The following NUP210L variants were observed in gnomAD, a reference collection of about 807,000 sequenced individuals.
NUP210L encodes nucleoporin 210 like, also known as nuclear pore membrane glycoprotein 210-like.
Under a neutral mutation model 208.5 loss-of-function variants are expected in NUP210L, and 74 were observed. The ratio of observed to expected loss-of-function variants is 0.35; its 90% confidence interval spans 0.29 to 0.43. The LOEUF is 0.43. Among genes scored for constraint, NUP210L ranks in the 20% least tolerant of loss-of-function variants. The probability of loss-of-function intolerance (pLI) is 1.00; values close to 1 mark genes in which losing one functional copy is unlikely to be tolerated. For synonymous variants in NUP210L, 780 were observed against 816.9 expected, an observed-to-expected ratio of 0.95 and a Z score of 0.77; for missense variants, 1,843 against 2,289.4, an observed-to-expected ratio of 0.81 and a Z score of 3.98.
chr1:154,112,366 A>G (rs1474093517), intron 12 of NUP210L, among the ~76,000 whole-genome samples: 2 of 152,066 alleles, frequency 1.3e-5, no homozygotes, highest in Non-Finnish European at 2.9e-5. Flanking sequence ...TGTTCCTGCC[A>G]CTGCATTCAA....
intron 34 of NUP210L, among the ~76,000 whole-genome samples, chr1:154,010,556 G>C (rs1323126186): frequency 1.3e-5 from 2 of 151,756 alleles, no homozygotes; most frequent in African/African-American, 4.8e-5. Flanking sequence ...GAGTAAGATA[G>C]ATTACAGGGA....
chr1:154,005,148 G>A (rs1650444901), intron 35 of NUP210L, among the ~76,000 whole-genome samples: 1 of 151,820 alleles, frequency 6.6e-6, no homozygotes, highest in Non-Finnish European at 1.5e-5. Flanking sequence ...ACCGTGCCCG[G>A]CCTCCTCTTT....
chr1:154,116,752 A>T (rs1430073788), intron 12 of NUP210L, among the ~76,000 whole-genome samples: 1 of 152,122 alleles, frequency 6.6e-6, no homozygotes, highest in Non-Finnish European at 1.5e-5. Flanking sequence ...TAAAGGAGAA[A>T]AATAGGAAAA....
intron 27 of NUP210L, among the ~76,000 whole-genome samples, chr1:154,033,025 A>AGGAAGGAAGGAAGGGAAG (rs1652347452): frequency 6.6e-6 from 1 of 151,462 alleles, no homozygotes; most frequent in Non-Finnish European, 1.5e-5. Context: ...AAGAAAAAGA[A>AGGAAGGAAGGAAGGGAAG]GGAAGGAAGG....
intron 2 of NUP210L, among the ~76,000 whole-genome samples, chr1:154,147,504 A>T (rs1220799054): frequency 6.6e-6 from 1 of 150,510 alleles, no homozygotes; most frequent in Non-Finnish European, 1.5e-5. Flanking sequence ...TGCCTGGCTA[A>T]TTTTTTCTTT....
chr1:154,118,915 C>A, intron 10 of NUP210L, 107 bp from the exon 11 acceptor site: 1 of 546,364 alleles, frequency 1.8e-6, no homozygotes. Flanking sequence ...ATAAATTACT[C>A]AACCAGTTTC....
chr1:154,146,766 C>A (rs1047569976), intron 2 of NUP210L, among the ~76,000 whole-genome samples: 6 of 152,138 alleles, frequency 3.9e-5, no homozygotes, highest in Non-Finnish European at 7.3e-5. Flanking sequence ...AATACATGTG[C>A]ACAAATCCTT....
chr1:154,114,074 C>T (rs1042300516), intron 12 of NUP210L, among the ~76,000 whole-genome samples: 64 of 148,614 alleles, frequency 4.3e-4, no homozygotes, highest in Admixed American at 9.6e-4. Flanking sequence ...ACTCGAGAGG[C>T]GGAGGTTGCA....
At chr1:154,103,528 C>T (rs1433280855) in intron 13 of NUP210L, among the ~76,000 whole-genome samples, 2 of 149,712 alleles carry the variant, frequency 1.3e-5, no homozygotes, top group African/African-American at 2.5e-5. Context: ...AAAAATTAGC[C>T]GGGCGTGGTA....
At position 154,104,048 on chromosome 1, in the gene NUP210L, T is replaced by C. The variant is rs768660641; in HGVS notation, c.1783A>G (p.Met595Val). Residue 595 changes from methionine to valine, a missense_variant, in exon 13 of 40, where the codon ATG becomes GTG. By Grantham distance (21) the Met-to-Val change is conservative. This residue lies in a region of NUP210L where 408 missense variants were observed against 600.8 expected (regional missense o/e 0.68). Transcript: ENST00000368559. Reference sequence around the variant, plus strand: ...AGAGTAAAGACTCCTTGTTTATCCATGTTCAGATCCAAGGATAAATGAGAG... The same window carrying C: ...AGAGTAAAGACTCCTTGTTTATCCACGTTCAGATCCAAGGATAAATGAGAG... 6.2e-6 allele frequency: 10 copies of C among 1,613,920 alleles called. No individual in the cohort carries two copies. The highest frequency in any genetic ancestry group is 2.2e-5 in the South Asian group (2 of 91,082).
chr1:154,000,209 G>C (rs975806963), intron 37 of NUP210L, among the ~76,000 whole-genome samples: 1 of 152,050 alleles, frequency 6.6e-6, no homozygotes, highest in East Asian at 1.9e-4. Flanking sequence ...TTGTATTTTG[G>C]GTAGGTTTGG....
rs1328920900 is a variant in NUP210L, at chr1:153,993,108, A to G, written c.5492-19T>C. The G allele has an allele frequency of 2.5e-6, 4 of 1,598,036 alleles. No individual in the cohort carries two copies. Among genetic ancestry groups the G allele is most frequent in the Non-Finnish European group, 1.7e-6 (2 of 1,168,748 alleles). ...TTGTATGCTGGAAAAAGGACAGGAA[A>G]TGTCACAAGGCATATCTGAGGAAGG... On this transcript the variant is annotated intron_variant, in intron 38 of 39. Coordinates refer to ENST00000368559, the Ensembl canonical transcript of NUP210L.
intron 28 of NUP210L, among the ~76,000 whole-genome samples, chr1:154,029,076 C>CT (rs1652069206): frequency 6.8e-6 from 1 of 146,212 alleles, no homozygotes; most frequent in African/African-American, 2.5e-5. Flanking sequence ...GAGTGAGACT[C>CT]TGTCTCAAAA....
chr1:154,031,778 G>A (rs997955470), intron 27 of NUP210L, among the ~76,000 whole-genome samples: 4 of 149,862 alleles, frequency 2.7e-5, no homozygotes, highest in African/African-American at 9.9e-5. Flanking sequence ...AGTGAGTATA[G>A]TGGCACAATC....
intron 7 of NUP210L, among the ~76,000 whole-genome samples, chr1:154,131,635 T>A (rs1451614011): frequency 6.6e-6 from 1 of 152,184 alleles, no homozygotes; most frequent in Non-Finnish European, 1.5e-5. Flanking sequence ...AAAGCCAAGC[T>A]GTTTTTACTG....
chr1:154,062,567 CTTTTTT>C lies in NUP210L; in HGVS notation c.2555-899_2555-894del, dbSNP rs34499821. Among the ~76,000 whole-genome samples the C allele has an allele frequency of 8.1e-3, 608 of 75,022 alleles. 1 individual carries two copies. Among genetic ancestry groups the C allele is most frequent in the African/African-American group, 0.031 (578 of 18,482 alleles). 49.2% of individuals were successfully genotyped at this position (75,022 alleles called of 152,430 possible). ...CACCTTTCTCTCTCTTTTCTTTTTC[CTTTTTT>C]TTTTTTTTTTTTTTTTTGTGTGTGT... On this transcript the variant is annotated intron_variant, in intron 17 of 39. Transcript: ENST00000368559.
In NUP210L at chr1:153,999,849, AG is replaced by A. The variant is rs1650108816; in HGVS notation, c.5386+1006del. Among the ~76,000 whole-genome samples, 3 of 148,608 alleles carry A rather than the reference AG, an allele frequency of 2.0e-5. No homozygotes were observed. In the South Asian group the frequency reaches 6.4e-4, roughly 32 times the overall value. ...TTTTTCCTTTTTTTTTTTTTGAGAC[AG>A]GGTCTTGCTCTGTCACCAGGCTGGA... On this transcript the variant is annotated intron_variant, in intron 37 of 39. Transcript: ENST00000368559.
intron 17 of NUP210L, among the ~76,000 whole-genome samples, chr1:154,069,184 A>G (rs1479761470): frequency 1.3e-5 from 2 of 152,198 alleles, no homozygotes; most frequent in African/African-American, 4.8e-5. Flanking sequence ...ACAAAAGCCA[A>G]AATAGACAAA....
At chr1:154,121,005 T>A (rs908529552) in intron 10 of NUP210L, among the ~76,000 whole-genome samples, 2 of 152,026 alleles carry the variant, frequency 1.3e-5, no homozygotes, top group Non-Finnish European at 2.9e-5. Flanking sequence ...GGTATAATAA[T>A]CTGGTAGTGA....
Sources: gnomAD v4.1 joint callset for allele counts (sites outside exome capture counted in the v4.1 genomes callset) on GRCh38, gnomAD v4.1.1 for gene constraint, gnomAD v4.1.1 regional missense constraint, MANE v1.5 for transcripts, NCBI Gene and HGNC (gene_info 2026-07-23, HGNC 2026-07-21) for gene names.